Variants in MACROD2 observed in about 807,000 individuals in gnomAD.
The protein encoded by MACROD2 is ADP-ribose glycohydrolase MACROD2.
In MACROD2, 36 loss-of-function variants were observed where a neutral mutation model predicts 70.4. The observed-to-expected ratio is 0.51, with a 90% CI of 0.39 to 0.68. The LOEUF is 0.68. Ranked by LOEUF, MACROD2 falls within the 30% of genes least tolerant of loss-of-function variation. MACROD2 has a pLI of 0.00. For missense variants in MACROD2, 496 were observed against 538.4 expected, an observed-to-expected ratio of 0.92 and a Z score of 0.78; for synonymous variants, 172 against 178.8, an observed-to-expected ratio of 0.96 and a Z score of 0.30.
In MACROD2 at chr20:15,007,705, G is replaced by T. The variant is rs1313098806; in HGVS notation, c.419-222235G>T. Reference sequence around the variant, plus strand: ...AATGACTCCCGGAACAAATACTCTGGAACTGGGCCACCAGGGTTGCTGCCA... The same window carrying T: ...AATGACTCCCGGAACAAATACTCTGTAACTGGGCCACCAGGGTTGCTGCCA... On this transcript the variant is annotated intron_variant, in intron 5 of 17. Transcript: ENST00000684519. Among the ~76,000 whole-genome samples, 3 of 152,356 alleles carry T rather than the reference G, an allele frequency of 2.0e-5. No individual in the cohort carries two copies. In the East Asian group the frequency reaches 5.8e-4, roughly 29 times the overall value.
intron 8 of MACROD2, among the ~76,000 whole-genome samples, chr20:15,695,977 A>T (rs2050362753): frequency 6.6e-6 from 1 of 152,164 alleles, no homozygotes; most frequent in Non-Finnish European, 1.5e-5. Flanking sequence ...AAACAATCTT[A>T]TCATCAGCAA....
chr20:15,098,752 A>C (rs1318603522), intron 5 of MACROD2, among the ~76,000 whole-genome samples: 3 of 152,226 alleles, frequency 2.0e-5, no homozygotes, highest in Non-Finnish European at 4.4e-5. Context: ...GGAGCACCTA[A>C]GGTGGTGATA....
At chr20:15,993,079 G>A (rs1355513181) in intron 15 of MACROD2, among the ~76,000 whole-genome samples, 1 of 151,938 alleles carries the variant, frequency 6.6e-6, no homozygotes, top group Non-Finnish European at 1.5e-5. Flanking sequence ...TCCTTCCAAA[G>A]ACATTATATA....
intron 8 of MACROD2, among the ~76,000 whole-genome samples, chr20:15,818,064 G>T (rs1032460717): frequency 6.6e-6 from 1 of 152,046 alleles, no homozygotes; most frequent in Non-Finnish European, 1.5e-5. Context: ...TACATGTTTT[G>T]TCCCACCCTG....
At chr20:15,677,723 A>G (rs2050084905) in intron 8 of MACROD2, among the ~76,000 whole-genome samples, 1 of 151,958 alleles carries the variant, frequency 6.6e-6, no homozygotes. Flanking sequence ...CCTTAGGAGA[A>G]GGATCAGAAC....
At chr20:14,857,945 C>T (rs1487400657) in intron 5 of MACROD2, among the ~76,000 whole-genome samples, 3 of 151,934 alleles carry the variant, frequency 2.0e-5, no homozygotes, top group Non-Finnish European at 4.4e-5. Flanking sequence ...CTCAGCCTCC[C>T]GAGTAGCTGG....
At chr20:14,340,019 A>T (rs184477908) in intron 3 of MACROD2, among the ~76,000 whole-genome samples, 5 of 152,312 alleles carry the variant, frequency 3.3e-5, no homozygotes, top group Admixed American at 6.5e-5. Context: ...TAGTATGTAC[A>T]ATCTCTGGAA....
intron 5 of MACROD2, among the ~76,000 whole-genome samples, chr20:15,001,958 C>T (rs1335099733): frequency 1.3e-5 from 2 of 152,050 alleles, no homozygotes; most frequent in African/African-American, 4.8e-5. Context: ...CACACACACA[C>T]ACACACACAC....
intron 6 of MACROD2, among the ~76,000 whole-genome samples, chr20:15,271,385 C>A (rs2077344846): frequency 1.3e-5 from 2 of 152,198 alleles, no homozygotes; most frequent in Non-Finnish European, 2.9e-5. Flanking sequence ...CTAATACCAT[C>A]AACTTGGCGA....
intron 3 of MACROD2, among the ~76,000 whole-genome samples, chr20:14,116,012 C>T (rs1051749206): frequency 2.0e-5 from 3 of 152,098 alleles, no homozygotes; most frequent in African/African-American, 7.2e-5. Flanking sequence ...GATTGCCCTG[C>T]ATTGTGATAG....
At chr20:14,653,293 A>T (rs1034641042) in intron 4 of MACROD2, among the ~76,000 whole-genome samples, 6 of 144,774 alleles carry the variant, frequency 4.1e-5, no homozygotes, top group Non-Finnish European at 8.9e-5. Context: ...ATCTTGGCTC[A>T]CTGCAAGCTC....
chr20:14,521,989 T>A (rs557292483), intron 4 of MACROD2, among the ~76,000 whole-genome samples: 1 of 152,306 alleles, frequency 6.6e-6, no homozygotes, highest in East Asian at 1.9e-4. Flanking sequence ...GGTTAGGTTT[T>A]CAGTCTGTGC....
At chr20:14,210,624 A>G (rs1365240413) in intron 3 of MACROD2, among the ~76,000 whole-genome samples, 4 of 152,234 alleles carry the variant, frequency 2.6e-5, no homozygotes, top group African/African-American at 7.2e-5. Context: ...ACTATGTTGC[A>G]AAGTTGGTAA....
intron 8 of MACROD2, among the ~76,000 whole-genome samples, chr20:15,848,789 CAGTT>C (rs1320018496): frequency 6.6e-6 from 1 of 151,994 alleles, no homozygotes; most frequent in Non-Finnish European, 1.5e-5. Flanking sequence ...GTCCCTAAGT[CAGTT>C]AGTAGTCATA....
intron 5 of MACROD2, among the ~76,000 whole-genome samples, chr20:14,989,107 A>G (rs963423088): frequency 2.0e-5 from 3 of 152,212 alleles, no homozygotes; most frequent in Non-Finnish European, 2.9e-5. Flanking sequence ...TTTAAAAAGT[A>G]TGTTACCATA....
At chr20:14,321,230 T>G (rs990036448) in intron 3 of MACROD2, among the ~76,000 whole-genome samples, 1 of 152,094 alleles carries the variant, frequency 6.6e-6, no homozygotes, top group Non-Finnish European at 1.5e-5. Flanking sequence ...CTGGGTGTGG[T>G]GACGCAAGTC....
At chr20:15,954,275 C>A (rs371206837) in intron 12 of MACROD2, among the ~76,000 whole-genome samples, 36 of 152,256 alleles carry the variant, frequency 2.4e-4, no homozygotes, top group African/African-American at 8.7e-4. Context: ...CTGTTAGGTG[C>A]ACCTTTCCAT....
chr20:14,499,720 C>G (rs186394773), intron 4 of MACROD2, among the ~76,000 whole-genome samples: 11 of 152,046 alleles, frequency 7.2e-5, no homozygotes, highest in African/African-American at 2.4e-4. Flanking sequence ...GCCCTCCCTC[C>G]TTCCCTCCTC....
chr20:14,804,448 G>A (rs1007723955), intron 5 of MACROD2, among the ~76,000 whole-genome samples: 2 of 151,948 alleles, frequency 1.3e-5, no homozygotes, highest in Non-Finnish European at 2.9e-5. Context: ...CATGGTTCAA[G>A]GTCACTCCAT....
Sources: allele counts gnomAD v4.1 joint callset (sites outside exome capture counted in the v4.1 genomes callset), GRCh38; gene constraint gnomAD v4.1.1; transcripts MANE v1.5; gene names NCBI Gene and HGNC (gene_info 2026-07-23, HGNC 2026-07-21).